The following NXN variants were observed in gnomAD, a reference collection of about 807,000 sequenced individuals.
NXN encodes nucleoredoxin 1.
Under a neutral mutation model 48.6 loss-of-function variants are expected in NXN, and 16 were observed. The observed-to-expected ratio is 0.33, with a 90% CI of 0.22 to 0.50. The LOEUF (loss-of-function observed/expected upper bound fraction) is 0.50. NXN is among the 20% of genes least tolerant of loss of function. The pLI, the probability that NXN is intolerant of heterozygous loss-of-function variation, is 0.98. For synonymous variants in NXN, 281 were observed against 269.6 expected, an observed-to-expected ratio of 1.04 and a Z score of -0.41; for missense variants, 492 against 605.5, an observed-to-expected ratio of 0.81 and a Z score of 1.97.
intron 1 of NXN, among the ~76,000 whole-genome samples, chr17:965,730 A>C (rs931703666): frequency 6.6e-6 from 1 of 152,180 alleles, no homozygotes; most frequent in East Asian, 1.9e-4. Flanking sequence ...CAGGGACCAC[A>C]TAACACAGAG....
In NXN at chr17:865,484, C is replaced by T. The variant is rs571998323; in HGVS notation, c.361-39406G>A. Among the ~76,000 whole-genome samples the T allele has an allele frequency of 4.1e-4, 62 of 151,414 alleles. 1 individual carries two copies. The East Asian group carries it at 0.012, about 29-fold the overall frequency. The stretch of plus-strand genomic sequence containing the variant: ...CTCGAACTCATGACCTCAGGTGATC[C>T]GCCCACCTCGGCCTCCCACAGTGCT... On this transcript the variant is annotated intron_variant, in intron 1 of 7. Transcript: ENST00000336868.
At chr17:957,963 A>G (rs1395846513) in intron 1 of NXN, among the ~76,000 whole-genome samples, 2 of 151,982 alleles carry the variant, frequency 1.3e-5, no homozygotes, top group African/African-American at 4.8e-5. Context: ...TGTTTTCCTC[A>G]CAGAACGTGA....
chr17:848,615 T>C (rs1048759805), intron 1 of NXN, among the ~76,000 whole-genome samples: 1 of 152,246 alleles, frequency 6.6e-6, no homozygotes, highest in African/African-American at 2.4e-5. Context: ...ATTTTTACAA[T>C]GCAGTCAGTA....
intron 1 of NXN, chr17:905,279 C>T (rs1003696196): frequency 2.4e-5 from 3 of 127,092 alleles, no homozygotes; most frequent in East Asian, 2.6e-4. Flanking sequence ...ATATAGATGC[C>T]GGGCATGGTA....
chr17:801,109 C>T lies in NXN; in HGVS notation c.1148G>A (p.Arg383Gln), dbSNP rs1911178593. The change falls in exon 8 of 8, where the codon CGA becomes CAA. Residue 383 changes from arginine to glutamine, a missense_variant. Coordinates refer to ENST00000336868, the MANE Select transcript of NXN (RefSeq NM_022463.5). ...AGEDDMTDSL[R>Q]DYTNLPEAAP... ...AGCCTCAGGCAGGTTGGTGTAATCT[C>T]GCAGGGAGTCAGTCATGTCATCCTG... The T allele has an allele frequency of 1.3e-6, 2 of 1,550,336 alleles. No individual in the cohort carries two copies. The highest frequency in any genetic ancestry group is 2.0e-5 in the Admixed American group (1 of 49,792).
chr17:822,595 G>A (rs986962452), intron 3 of NXN, 138 bp from the exon 4 acceptor site: 1 of 629,418 alleles, frequency 1.6e-6, no homozygotes, highest in African/African-American at 1.8e-5. Context: ...GTGGAAATGA[G>A]ATGGGTATGG....
intron 1 of NXN, among the ~76,000 whole-genome samples, chr17:898,006 T>G (rs987123524): frequency 6.6e-6 from 1 of 152,134 alleles, no homozygotes; most frequent in Non-Finnish European, 1.5e-5. Context: ...AAGGATAACT[T>G]GATATTGTGC....
intron 1 of NXN, among the ~76,000 whole-genome samples, chr17:935,621 G>GT (rs1377495266): frequency 6.6e-6 from 1 of 152,190 alleles, no homozygotes; most frequent in Non-Finnish European, 1.5e-5. Context: ...AGCGTCTACT[G>GT]TGTCTAAGAC....
chr17:819,095 C>T (rs553621357), intron 5 of NXN: 25 of 330,354 alleles, frequency 7.6e-5, no homozygotes, highest in African/African-American at 5.1e-4. Flanking sequence ...TACAGGCACC[C>T]GCCACCACGC....
At chr17:972,847 C>T (rs574559524) in intron 1 of NXN, among the ~76,000 whole-genome samples, 14 of 152,118 alleles carry the variant, frequency 9.2e-5, no homozygotes, top group South Asian at 2.1e-4. Context: ...ATGGCTAACA[C>T]GGTGAAACCC....
chr17:942,758 T>C (rs1399332243), intron 1 of NXN, among the ~76,000 whole-genome samples: 3 of 105,756 alleles, frequency 2.8e-5, no homozygotes, highest in East Asian at 3.3e-4. Context: ...CAGCCATGAA[T>C]TCACCAAACA....
intron 1 of NXN, among the ~76,000 whole-genome samples, chr17:871,864 T>C (rs944039501): frequency 3.9e-5 from 6 of 151,978 alleles, no homozygotes; most frequent in African/African-American, 7.3e-5. Flanking sequence ...GAACCACATA[T>C]CACCAAGCAT....
At chr17:970,426 A>G (rs1471320758) in intron 1 of NXN, among the ~76,000 whole-genome samples, 1 of 152,170 alleles carries the variant, frequency 6.6e-6, no homozygotes, top group Non-Finnish European at 1.5e-5. Context: ...AGGAACTAAA[A>G]AAAAGCCAAA....
At position 849,927 on chromosome 17, in the gene NXN, C is replaced by T. The variant is rs923854607; in HGVS notation, c.361-23849G>A. Among the ~76,000 whole-genome samples the T allele has an allele frequency of 7.9e-5, 12 of 152,068 alleles. No individual in the cohort carries two copies. The highest frequency in any genetic ancestry group is 2.4e-4 in the African/African-American group (10 of 41,392). On this transcript the variant is annotated intron_variant, in intron 1 of 7. Coordinates refer to ENST00000336868, the MANE Select transcript of NXN (RefSeq NM_022463.5). This position sits in a 1 kb window ranked among gnomAD's most constrained non-coding sequence, Gnocchi z 4.2. ...GCAGAGCCCCCAAGGAGCCCGAGAG[C>T]GACCTGCTCCTGAAACCCCAGGCTG... is the stretch of plus-strand genomic sequence containing the variant.
At chr17:921,351 C>T (rs1418670396) in intron 1 of NXN, among the ~76,000 whole-genome samples, 2 of 152,180 alleles carry the variant, frequency 1.3e-5, no homozygotes, top group Admixed American at 6.5e-5. Flanking sequence ...CACAAGCCGG[C>T]TCTCAGCGGG....
intron 1 of NXN, among the ~76,000 whole-genome samples, chr17:832,179 AT>A (rs111637104): frequency 1.3e-5 from 2 of 150,186 alleles, no homozygotes; most frequent in South Asian, 4.2e-4. Context: ...TTAGCCAGGA[AT>A]TTTTTTTTCT....
intron 5 of NXN, among the ~76,000 whole-genome samples, chr17:809,844 T>TGTGA (rs1911809924): frequency 6.6e-6 from 1 of 151,640 alleles, no homozygotes; most frequent in South Asian, 2.1e-4. Context: ...TACGAGCCAG[T>TGTGA]GCGAGCGGCG....
chr17:864,419 G>C (rs1044751566), intron 1 of NXN, among the ~76,000 whole-genome samples: 4 of 152,222 alleles, frequency 2.6e-5, no homozygotes, highest in African/African-American at 9.6e-5. Flanking sequence ...TGTCCCATGG[G>C]ACAAGACACC....
At position 887,039 on chromosome 17, in the gene NXN, C is replaced by G. The variant is rs1419707829; in HGVS notation, c.361-60961G>C. Among the ~76,000 whole-genome samples the G allele has an allele frequency of 1.3e-5, 2 of 151,998 alleles. 1 individual carries two copies. The highest frequency in any genetic ancestry group is 2.9e-5 in the Non-Finnish European group (2 of 68,008). On this transcript the variant is annotated intron_variant, in intron 1 of 7. Transcript: ENST00000336868. ...CCTGCCACCTCTGCCTCCCAAGTAGCTGGGACTACAAGGCGTGAACCACCA... is the reference window on the plus strand; with the variant it reads ...CCTGCCACCTCTGCCTCCCAAGTAGGTGGGACTACAAGGCGTGAACCACCA...
Sources: allele counts gnomAD v4.1 joint callset (sites outside exome capture counted in the v4.1 genomes callset), GRCh38; gene constraint gnomAD v4.1.1; non-coding constraint Gnocchi (gnomAD v3.1); transcripts MANE v1.5; gene names NCBI Gene and HGNC (gene_info 2026-07-23, HGNC 2026-07-21).